The following NRBP2 variants were observed in gnomAD, a reference collection of about 807,000 sequenced individuals.
The protein encoded by NRBP2 is nuclear receptor binding protein 2, also known as nuclear receptor-binding protein 2.
NRBP2 carries 47 observed loss-of-function variants against 74.4 expected under a neutral mutation model. The observed-to-expected ratio is 0.63, with a 90% confidence interval of 0.50 to 0.81. The LOEUF is 0.81. NRBP2 is among the 30% of genes least tolerant of loss of function. The probability of loss-of-function intolerance (pLI) is 0.00; values close to 1 mark genes in which losing one functional copy is unlikely to be tolerated. For missense variants in NRBP2, 613 were observed against 690.1 expected (o/e 0.89, Z 1.25); for synonymous variants, 312 against 273.8 (o/e 1.14, Z -1.38).
At position 143,839,778 on chromosome 8, in the gene NRBP2, G is replaced by A; in HGVS notation, c.402C>T (p.Phe134=). 1 of 1,536,062 alleles carries A rather than the reference G, an allele frequency of 6.5e-7. No individual in the cohort carries two copies. The highest frequency in any genetic ancestry group is 8.7e-7 in the Non-Finnish European group (1 of 1,146,874). The change falls in exon 4 of 18, where the codon TTC becomes TTT. Residue 134 remains phenylalanine (F), a synonymous_variant. Coordinates refer to ENST00000442628, the MANE Select transcript of NRBP2 (RefSeq NM_178564.4). This position sits in a 1 kb window ranked among gnomAD's most constrained non-coding sequence, Gnocchi z 5.1. Reference sequence around the variant, plus strand: ...TGTGGTTCTTCTTGGTCTTTTTGAGGAATTGCTTGAGGCTGCCTGATGACA... The same window carrying A: ...TGTGGTTCTTCTTGGTCTTTTTGAGAAATTGCTTGAGGCTGCCTGATGACA... ...EYVSSGSLKQ[F]LKKTKKNHKA...
Position 143,839,469 on chromosome 8 carries a change from G to A in NRBP2, c.485+40C>T. 5.2e-6 allele frequency: 8 copies of A among 1,531,870 alleles called. No homozygotes were observed. The highest frequency in any genetic ancestry group is 7.0e-6 in the Non-Finnish European group (8 of 1,144,188). The allele number at this position is 1,531,870 out of a possible 1,614,324, so 94.9% of individuals were successfully genotyped here. On this transcript the variant is annotated intron_variant, in intron 5 of 17. Transcript: ENST00000442628. The surrounding 1 kb of genome is among the most constrained non-coding windows in gnomAD (Gnocchi z 5.1). ...GGTCAGGAGGCTCTGGAGAGATGGG[G>A]GCTCGGTGGCGCCGCGCCCAGGCCA...
In NRBP2 at chr8:143,839,923, G is replaced by C; in HGVS notation, c.354+6C>G. 6.5e-7 allele frequency: 1 copy of C among 1,536,018 alleles called. No homozygotes were observed. The highest frequency in any genetic ancestry group is 1.2e-5 in the South Asian group (1 of 84,064). On this transcript the variant is annotated splice_donor_region_variant and intron_variant, in intron 3 of 17. Coordinates refer to ENST00000442628, the MANE Select transcript of NRBP2 (RefSeq NM_178564.4). The surrounding 1 kb of genome is among the most constrained non-coding windows in gnomAD (Gnocchi z 5.1). ...TCTGCCTGCCCGGGGCCTTGCCCGT[G>C]CTCACCCTCGCGCAGGCCTCAGAGG... is the stretch of plus-strand genomic sequence containing the variant.
At chr8:143,831,334 G>C (rs930146024), downstream of NRBP2, among the ~76,000 whole-genome samples, 3 of 152,250 alleles carry the variant, frequency 2.0e-5, no homozygotes, top group African/African-American at 7.2e-5. Flanking sequence ...GAGAAGTCCA[G>C]GTCAGGCACA....
Position 143,837,914 on chromosome 8 carries a change from G to T in NRBP2, c.841-159C>A. 1.2e-6 allele frequency: 1 copy of T among 867,938 alleles called. No individual in the cohort carries two copies. Among genetic ancestry groups the T allele is most frequent in the South Asian group, 1.4e-5 (1 of 70,180 alleles). 53.8% of individuals were successfully genotyped at this position (867,938 alleles called of 1,614,324 possible). A position where few individuals can be genotyped will look rare whatever the true frequency, so the allele number is the denominator to read the frequency against. Reference sequence around the variant, plus strand: ...GGAGGAGTCCCAGCAGCAGCAGCCAGGCCAGGACCTGGTCCTCTGAGCTTG... The same window carrying T: ...GGAGGAGTCCCAGCAGCAGCAGCCATGCCAGGACCTGGTCCTCTGAGCTTG... On this transcript the variant is annotated intron_variant, in intron 10 of 17. Transcript: ENST00000442628. The surrounding 1 kb of genome is among the most constrained non-coding windows in gnomAD (Gnocchi z 4.3).
At position 143,835,275 on chromosome 8, in the gene NRBP2, T is replaced by C. The variant is rs1818309261; in HGVS notation, c.*387A>G. 2.5e-5 allele frequency: 7 copies of C among 279,044 alleles called. No individual in the cohort carries two copies. In the South Asian group the frequency reaches 2.6e-4, roughly 10 times the overall value. The allele number at this position is 279,044 out of a possible 1,614,324, so 17.3% of individuals were successfully genotyped here. A position where few individuals can be genotyped will look rare whatever the true frequency, so the allele number is the denominator to read the frequency against. On this transcript the variant is annotated 3_prime_UTR_variant, in exon 18 of 18. Transcript: ENST00000442628. The surrounding 1 kb of genome is among the most constrained non-coding windows in gnomAD (Gnocchi z 4.9). ...CATGGAGCAGTTCCCTGGGCAGAGG[T>C]CTGTCCAGGGCTGACCCTCACCCCC...
intron 15 of NRBP2, 27 bp downstream of exon 15, chr8:143,836,099 CA>C (rs1818366923): frequency 1.9e-6 from 3 of 1,596,256 alleles, no homozygotes; most frequent in Non-Finnish European, 2.6e-6. Flanking sequence ...TTCCCCACGG[CA>C]GCGCCGCCCT....
At chr8:143,830,178 C>T (rs879951843), downstream of NRBP2, among the ~76,000 whole-genome samples, 7 of 152,252 alleles carry the variant, frequency 4.6e-5, no homozygotes, top group Admixed American at 1.3e-4. Flanking sequence ...CTCCTGAAAC[C>T]TTCCAAAATT....
Position 143,840,113 on chromosome 8 carries a change from C to G in NRBP2, c.246G>C (p.Ala82=). The G allele has an allele frequency of 6.5e-7, 1 of 1,536,122 alleles. No individual in the cohort carries two copies. The highest frequency in any genetic ancestry group is 8.7e-7 in the Non-Finnish European group (1 of 1,146,892). The part of the protein sequence containing the change: ...LHFGDRKAFA[A]HEEKIQTVFE... ...GAGGGGGCAGCGGTCTCACCTCGTG[C>G]GCCGCGAAGGCCTTCCTGTCTCCGA... is the stretch of plus-strand genomic sequence containing the variant. Residue 82 remains alanine, a synonymous_variant, in exon 2 of 18, where the codon GCG becomes GCC. Transcript: ENST00000442628. This position sits in a 1 kb window ranked among gnomAD's most constrained non-coding sequence, Gnocchi z 5.7.
In NRBP2 at chr8:143,840,849, A is replaced by G; in HGVS notation, c.-15T>C. The G allele has an allele frequency of 1.4e-6, 2 of 1,425,562 alleles. No individual in the cohort carries two copies. The highest frequency in any genetic ancestry group is 1.4e-5 in the South Asian group (1 of 70,560). 88.3% of individuals were successfully genotyped at this position (1,425,562 alleles called of 1,614,324 possible). On this transcript the variant is annotated 5_prime_UTR_variant, in exon 1 of 18. Transcript: ENST00000442628. This position sits in a 1 kb window ranked among gnomAD's most constrained non-coding sequence, Gnocchi z 5.7. The stretch of plus-strand genomic sequence containing the variant: ...GGGGCCGCCATGGTTCGGCCAGCCC[A>G]GGCCACCGCCCTCTGCGCGATCCGC...
chr8:143,835,984 G>A lies in NRBP2; in HGVS notation c.1364C>T (p.Thr455Ile). 6.3e-7 allele frequency: 1 copy of A among 1,584,122 alleles called. No homozygotes were observed. Among genetic ancestry groups the A allele is most frequent in the African/African-American group, 1.4e-5 (1 of 73,650 alleles). The change falls in exon 16 of 18, where the codon ACC (threonine) becomes ATC (isoleucine). Residue 455 changes from threonine to isoleucine, a missense_variant. Around this residue, in one of 2 missense-constraint regions of NRBP2, gnomAD observed 281 missense variants for 260.9 expected, o/e 1.08. Coordinates refer to ENST00000442628, the MANE Select transcript of NRBP2 (RefSeq NM_178564.4). The surrounding 1 kb of genome is among the most constrained non-coding windows in gnomAD (Gnocchi z 4.9). ...VLEDRLHRQLTYDLLPTDSAQ... is the reference protein window; with the variant it reads ...VLEDRLHRQLIYDLLPTDSAQ... ...CAGCCTACTTGGGAGCAGGTCGTAG[G>A]TCAGCTGCCGGTGCAGCCGGTCTTC...
chr8:143,839,210 GAGAA>G lies in NRBP2; in HGVS notation c.581-19_581-16del. On this transcript the variant is annotated splice_polypyrimidine_tract_variant and intron_variant, in intron 6 of 17. Transcript: ENST00000442628. This position sits in a 1 kb window ranked among gnomAD's most constrained non-coding sequence, Gnocchi z 5.1. ...TCGGTGCCACACTGCCAAGGGGCGG[GAGAA>G]AGAGTGGAGTTAGCTGCTGGGGCAT... is the stretch of plus-strand genomic sequence containing the variant. 1 of 1,531,728 alleles carries G rather than the reference GAGAA, an allele frequency of 6.5e-7. No individual in the cohort carries two copies. The highest frequency in any genetic ancestry group is 8.7e-7 in the Non-Finnish European group (1 of 1,143,640). 94.9% of individuals were successfully genotyped at this position (1,531,728 alleles called of 1,614,324 possible).
chr8:143,837,603 C>G lies in NRBP2; in HGVS notation c.973+20G>C, dbSNP rs373661097. Reference sequence around the variant, plus strand: ...AACCTCCACCTCCCCAGCCACCCCCCGGGCCGGCCTGCTGCTCACACTGGT... The same window carrying G: ...AACCTCCACCTCCCCAGCCACCCCCGGGGCCGGCCTGCTGCTCACACTGGT... On this transcript the variant is annotated intron_variant, in intron 11 of 17. Coordinates refer to ENST00000442628, the MANE Select transcript of NRBP2 (RefSeq NM_178564.4). The surrounding 1 kb of genome is among the most constrained non-coding windows in gnomAD (Gnocchi z 4.3). 5 of 1,597,726 alleles carry G rather than the reference C, an allele frequency of 3.1e-6. No individual in the cohort carries two copies. Among genetic ancestry groups the G allele is most frequent in the African/African-American group, 2.7e-5 (2 of 74,710 alleles).
chr8:143,829,900 G>T (rs1554649616), downstream of NRBP2: 1 of 152,298 alleles, frequency 6.6e-6, no homozygotes, highest in African/African-American at 2.4e-5. Flanking sequence ...CAGCCCGCAG[G>T]CCCCGTTAGT....
In NRBP2 at chr8:143,837,253, C is replaced by T. The variant is rs1554652089; in HGVS notation, c.1123G>A (p.Val375Ile). ...CAACCTTACATCAGTTCTCACCTGA[C>T]ATCCTCCAGGAATTTGTCCAGCTCC... ...FMELDKFLED[V>I]RNGIYPLMNF... The change falls in exon 13 of 18, where the codon GTC becomes ATC. Residue 375 changes from valine (V) to isoleucine (I), a missense_variant. Physicochemically the swap from Val to Ile is conservative, Grantham distance 29. Coordinates refer to ENST00000442628, the MANE Select transcript of NRBP2 (RefSeq NM_178564.4). This position sits in a 1 kb window ranked among gnomAD's most constrained non-coding sequence, Gnocchi z 4.3. 2 of 1,613,774 alleles carry T rather than the reference C, an allele frequency of 1.2e-6. No individual in the cohort carries two copies.
Position 143,835,906 on chromosome 8 carries a change from G to C in NRBP2, c.1382-31C>G, listed in dbSNP as rs1402801683. ...GCAATGGCGTAAGGCGAGGCATGAG[G>C]CCGCTGCCCACCCGCCGCCTGGGGT... On this transcript the variant is annotated intron_variant, in intron 16 of 17. Transcript: ENST00000442628. The surrounding 1 kb of genome is among the most constrained non-coding windows in gnomAD (Gnocchi z 4.9). 2 of 1,597,360 alleles carry C rather than the reference G, an allele frequency of 1.3e-6. No individual in the cohort carries two copies. Among genetic ancestry groups the C allele is most frequent in the Non-Finnish European group, 1.7e-6 (2 of 1,176,208 alleles).
In NRBP2 at chr8:143,837,125, G is replaced by A. The variant is rs571793155; in HGVS notation, c.1177C>T (p.Leu393=). 1.2e-6 allele frequency: 2 copies of A among 1,612,664 alleles called. No individual in the cohort carries two copies. The highest frequency in any genetic ancestry group is 2.7e-5 in the African/African-American group (2 of 74,994). Reference sequence around the variant, plus strand: ...GGGGGTGGGGCCAGCACACGGGGCAGCCCCAGGGGTCGAGTGGCTGCAAAG... The same window carrying A: ...GGGGGTGGGGCCAGCACACGGGGCAACCCCAGGGGTCGAGTGGCTGCAAAG... ...MNFAATRPLG[L]PRVLAPPPEE... Residue 393 remains leucine, a synonymous_variant, in exon 14 of 18, where the codon CTG becomes TTG. Coordinates refer to ENST00000442628, the MANE Select transcript of NRBP2 (RefSeq NM_178564.4). This position sits in a 1 kb window ranked among gnomAD's most constrained non-coding sequence, Gnocchi z 4.3.
rs1818344159 is a variant in NRBP2 at position 143,835,819 on chromosome 8, C to T, written c.1437+1G>A. 1 of 1,601,052 alleles carries T rather than the reference C, an allele frequency of 6.2e-7. No individual in the cohort carries two copies. On this transcript the variant is annotated splice_donor_variant, in intron 17 of 17. Coordinates refer to ENST00000442628, the MANE Select transcript of NRBP2 (RefSeq NM_178564.4). LOFTEE classifies it high-confidence loss of function. This position sits in a 1 kb window ranked among gnomAD's most constrained non-coding sequence, Gnocchi z 4.9. ...AGGCCGCGCCGCACCGCCCAGCGCA[C>T]CTCGTGGAGGAAGCCATAGTGCACG...
At position 143,839,254 on chromosome 8, in the gene NRBP2, C is replaced by T; in HGVS notation, c.581-59G>A. 3 of 1,535,486 alleles carry T rather than the reference C, an allele frequency of 2.0e-6. No homozygotes were observed. The highest frequency in any genetic ancestry group is 3.9e-5 in the Admixed American group (2 of 51,010). On this transcript the variant is annotated intron_variant, in intron 6 of 17. Coordinates refer to ENST00000442628, the MANE Select transcript of NRBP2 (RefSeq NM_178564.4). This position sits in a 1 kb window ranked among gnomAD's most constrained non-coding sequence, Gnocchi z 5.1. Reference sequence around the variant, plus strand: ...TGCTGGGGCATCAGAACTCCTCTGCCCTTGGCTCCAGGCACCTTCCCCTGC... The same window carrying T: ...TGCTGGGGCATCAGAACTCCTCTGCTCTTGGCTCCAGGCACCTTCCCCTGC...
chr8:143,840,444 G>A lies in NRBP2; in HGVS notation c.130-215C>T, dbSNP rs1369840412. ...AGGGGATTTGGAGCAGGTTTCAGGG[G>A]GTCGAGGGGGATCCCCAGGAAGCTA... On this transcript the variant is annotated intron_variant, in intron 1 of 17. Coordinates refer to ENST00000442628, the MANE Select transcript of NRBP2 (RefSeq NM_178564.4). The surrounding 1 kb of genome is among the most constrained non-coding windows in gnomAD (Gnocchi z 5.7). The A allele has an allele frequency of 1.3e-5, 9 of 715,082 alleles. No homozygotes were observed. The highest frequency in any genetic ancestry group is 1.8e-5 in the Non-Finnish European group (8 of 444,812). The allele number at this position is 715,082 out of a possible 1,614,324, so 44.3% of individuals were successfully genotyped here.
Sources: allele counts gnomAD v4.1 joint callset (sites outside exome capture counted in the v4.1 genomes callset), GRCh38; gene constraint gnomAD v4.1.1; regional missense constraint gnomAD v4.1.1; non-coding constraint Gnocchi (gnomAD v3.1); transcripts MANE v1.5; gene names NCBI Gene and HGNC (gene_info 2026-07-23, HGNC 2026-07-21).